The following SSBP2 variants were observed in gnomAD, a reference collection of about 807,000 sequenced individuals.
The protein encoded by SSBP2 is single stranded DNA binding protein 2, also known as single-stranded DNA-binding protein 2.
In SSBP2, 17 loss-of-function variants were observed where a neutral mutation model predicts 61.8. The observed-to-expected ratio is 0.28, with a 90% CI of 0.19 to 0.41. SSBP2 has a LOEUF of 0.41. SSBP2 is among the 10% of genes least tolerant of loss of function. The pLI, the probability that SSBP2 is intolerant of heterozygous loss-of-function variation, is 1.00. For synonymous variants in SSBP2, 139 were observed against 141.3 expected, an observed-to-expected ratio of 0.98 and a Z score of 0.12; for missense variants, 310 against 458.7, an observed-to-expected ratio of 0.68 and a Z score of 2.96.
chr5:81,719,111 C>T (rs948379538), intron 1 of SSBP2, among the ~76,000 whole-genome samples: 9 of 152,080 alleles, frequency 5.9e-5, no homozygotes, highest in Admixed American at 3.3e-4. Flanking sequence ...TCTAGTGAAA[C>T]ATCCTTGTTT....
chr5:81,643,446 TCTAGA>T (rs1267063004), intron 2 of SSBP2, among the ~76,000 whole-genome samples: 2 of 152,174 alleles, frequency 1.3e-5, no homozygotes, highest in South Asian at 2.1e-4. Flanking sequence ...TAAGTTTCTT[TCTAGA>T]CTAAATTCCT....
chr5:81,716,387 A>G (rs1289643038), intron 1 of SSBP2, among the ~76,000 whole-genome samples: 5 of 152,218 alleles, frequency 3.3e-5, no homozygotes, highest in Non-Finnish European at 7.3e-5. Context: ...TGATAAAATT[A>G]AATCAAAATT....
intron 4 of SSBP2, among the ~76,000 whole-genome samples, chr5:81,559,343 C>T (rs192135828): frequency 5.4e-5 from 8 of 149,346 alleles, no homozygotes; most frequent in South Asian, 2.1e-4. Flanking sequence ...GCCGAGACTG[C>T]GCCATTGCAC....
At chr5:81,541,735 T>A (rs971637554) in intron 4 of SSBP2, among the ~76,000 whole-genome samples, 6 of 152,210 alleles carry the variant, frequency 3.9e-5, no homozygotes, top group Non-Finnish European at 8.8e-5. Context: ...AGAATGAAAC[T>A]GGGCCCCTAC....
At chr5:81,684,783 T>C (rs552985803) in intron 1 of SSBP2, among the ~76,000 whole-genome samples, 1 of 152,294 alleles carries the variant, frequency 6.6e-6, no homozygotes, top group South Asian at 2.1e-4. Flanking sequence ...AGATGAGACT[T>C]TGGACTGTGG....
chr5:81,464,119 T>C (rs1461776657), intron 9 of SSBP2, among the ~76,000 whole-genome samples: 1 of 152,108 alleles, frequency 6.6e-6, no homozygotes, highest in African/African-American at 2.4e-5. Context: ...TTCAAAATAA[T>C]AACTACACAA....
intron 4 of SSBP2, among the ~76,000 whole-genome samples, chr5:81,540,607 T>C (rs1458588764): frequency 6.6e-6 from 1 of 152,198 alleles, no homozygotes; most frequent in Admixed American, 6.5e-5. Flanking sequence ...TCTCATAAAT[T>C]TGATTAAGTT....
At chr5:81,533,581 T>C (rs1216060560) in intron 4 of SSBP2, among the ~76,000 whole-genome samples, 1 of 152,032 alleles carries the variant, frequency 6.6e-6, no homozygotes, top group Non-Finnish European at 1.5e-5. Flanking sequence ...CACCCTGACC[T>C]AATAAAAAGT....
At chr5:81,680,434 C>T (rs1015092750) in intron 1 of SSBP2, among the ~76,000 whole-genome samples, 3 of 150,870 alleles carry the variant, frequency 2.0e-5, no homozygotes, top group East Asian at 1.9e-4. Flanking sequence ...TCACATTAAA[C>T]GTCAGTGGTG....
intron 1 of SSBP2, among the ~76,000 whole-genome samples, chr5:81,714,014 C>A (rs528779924): frequency 1.3e-5 from 2 of 152,072 alleles, no homozygotes; most frequent in Non-Finnish European, 2.9e-5. Flanking sequence ...CCCATCAACC[C>A]GTCATCTACA....
At chr5:81,715,075 G>C (rs1755081262) in intron 1 of SSBP2, among the ~76,000 whole-genome samples, 1 of 152,084 alleles carries the variant, frequency 6.6e-6, no homozygotes, top group African/African-American at 2.4e-5. Context: ...ATAATAATTA[G>C]AGGGGCAATC....
At chr5:81,565,372 G>A (rs1773343968) in intron 4 of SSBP2, among the ~76,000 whole-genome samples, 1 of 152,098 alleles carries the variant, frequency 6.6e-6, no homozygotes, top group Non-Finnish European at 1.5e-5. Flanking sequence ...TTGTAAAGCT[G>A]TAATAAATTT....
chr5:81,744,632 A>G (rs1378496946), intron 1 of SSBP2, among the ~76,000 whole-genome samples: 2 of 152,050 alleles, frequency 1.3e-5, no homozygotes, highest in Admixed American at 6.6e-5. Context: ...ACAAAGGGCT[A>G]TATTTTAGCC....
At chr5:81,492,183 T>C (rs1178796388) in intron 5 of SSBP2, among the ~76,000 whole-genome samples, 1 of 152,208 alleles carries the variant, frequency 6.6e-6, no homozygotes, top group African/African-American at 2.4e-5. Flanking sequence ...TTCCCTGCTT[T>C]AGCAATCTGA....
At chr5:81,572,109 C>T (rs1561552311) in intron 4 of SSBP2, among the ~76,000 whole-genome samples, 1 of 152,060 alleles carries the variant, frequency 6.6e-6, no homozygotes. Context: ...ATGAAAAGGG[C>T]ATTTTACTTT....
intron 9 of SSBP2, among the ~76,000 whole-genome samples, chr5:81,463,758 C>CTT (rs938398439): frequency 2.2e-3 from 213 of 96,122 alleles, no homozygotes; most frequent in Non-Finnish European, 3.0e-3. Flanking sequence ...GAAAAATCCT[C>CTT]TTTTTTTTTT....
intron 4 of SSBP2, among the ~76,000 whole-genome samples, chr5:81,556,263 T>C (rs1367311589): frequency 6.6e-6 from 1 of 152,114 alleles, no homozygotes; most frequent in Non-Finnish European, 1.5e-5. Context: ...TCATTTCCAG[T>C]GGTCGTTGCC....
intron 1 of SSBP2, among the ~76,000 whole-genome samples, chr5:81,708,487 A>G (rs1221378549): frequency 6.6e-6 from 1 of 152,068 alleles, no homozygotes; most frequent in Non-Finnish European, 1.5e-5. Flanking sequence ...CTCTTTGCTG[A>G]CCAATGCGTC....
At chr5:81,613,792 T>A (rs916943345) in intron 4 of SSBP2, among the ~76,000 whole-genome samples, 3 of 152,208 alleles carry the variant, frequency 2.0e-5, no homozygotes, top group African/African-American at 7.2e-5. Context: ...TACCCCACTC[T>A]ATCCAATTCC....
Sources: gnomAD v4.1 joint callset for allele counts (sites outside exome capture counted in the v4.1 genomes callset) on GRCh38, gnomAD v4.1.1 for gene constraint, MANE v1.5 for transcripts, NCBI Gene and HGNC (gene_info 2026-07-23, HGNC 2026-07-21) for gene names.